The following STC1 variants were observed in gnomAD, a reference collection of about 807,000 sequenced individuals.
STC1 encodes stanniocalcin 1, also known as stanniocalcin-1.
In STC1, 7 loss-of-function variants were observed where a neutral mutation model predicts 22.6. That is an observed-to-expected ratio of 0.31 (90% CI 0.18 to 0.58). The LOEUF (loss-of-function observed/expected upper bound fraction) is 0.58, where lower values mean the gene tolerates loss of function less well. STC1 is among the 20% of genes least tolerant of loss of function. The probability of loss-of-function intolerance (pLI) is 0.89; values close to 1 mark genes in which losing one functional copy is unlikely to be tolerated. For missense variants in STC1, 224 were observed against 311.0 expected (o/e 0.72, Z 2.10); for synonymous variants, 113 against 120.7 (o/e 0.94, Z 0.42).
chr8:23,846,913 A>T (rs1305768618), intron 3 of STC1, among the ~76,000 whole-genome samples: 1 of 152,118 alleles, frequency 6.6e-6, no homozygotes, highest in Non-Finnish European at 1.5e-5. Flanking sequence ...ACATCTACAC[A>T]CCCATATAGA....
intron 3 of STC1, among the ~76,000 whole-genome samples, chr8:23,846,266 G>C (rs1802572135): frequency 6.6e-6 from 1 of 152,052 alleles, no homozygotes; most frequent in South Asian, 2.1e-4. Flanking sequence ...TAATATTTAG[G>C]GCATATCAAT....
Position 23,843,720 on chromosome 8 carries a change from GT to G in STC1, c.*1049del, listed in dbSNP as rs1802540745. The G allele has an allele frequency of 6.6e-6, 1 of 152,626 alleles. No homozygotes were observed. Among genetic ancestry groups the G allele is most frequent in the South Asian group, 2.1e-4 (1 of 4,826 alleles). 9.5% of individuals were successfully genotyped at this position (152,626 alleles called of 1,614,324 possible). A position where few individuals can be genotyped will look rare whatever the true frequency, so the allele number is the denominator to read the frequency against. ...GGTCTAAGTCAAGAGTAGCCTCTGG[GT>G]TGAGGTGGGCTGGGAGATTAACATC... On this transcript the variant is annotated 3_prime_UTR_variant, in exon 4 of 4. Transcript: ENST00000290271.
intron 1 of STC1, chr8:23,854,122 C>T: frequency 3.2e-6 from 4 of 1,249,750 alleles, no homozygotes; most frequent in Non-Finnish European, 4.0e-6. Flanking sequence ...CCTCTCACCC[C>T]TCCCCCTCCA....
At chr8:23,847,109 C>T (rs1226294333) in intron 3 of STC1, among the ~76,000 whole-genome samples, 1 of 152,120 alleles carries the variant, frequency 6.6e-6, no homozygotes, top group African/African-American at 2.4e-5. Flanking sequence ...AGATGAGTCC[C>T]CAGATAGGCT....
At chr8:23,852,961 T>C (rs1382154562) in intron 1 of STC1, among the ~76,000 whole-genome samples, 2 of 152,176 alleles carry the variant, frequency 1.3e-5, no homozygotes, top group Non-Finnish European at 1.5e-5. Flanking sequence ...GATCCGTTCA[T>C]GTTTCACCCC....
At chr8:23,851,616 C>A (rs1802638789) in intron 2 of STC1, 85 bp from the exon 3 acceptor site, 16 of 1,204,662 alleles carry the variant, frequency 1.3e-5, no homozygotes, top group Non-Finnish European at 1.8e-5. Context: ...TTTAAGGGGG[C>A]TCATCTGGGC....
chr8:23,854,482 A>G lies in STC1; in HGVS notation c.42T>C (p.Ser14=), dbSNP rs758633833. Reference sequence around the variant, plus strand: ...GCTCCGCCTCATGGGTTGCAGAAGCACTGATCACCAGCACCAGAAGCACTG... The same window carrying G: ...GCTCCGCCTCATGGGTTGCAGAAGCGCTGATCACCAGCACCAGAAGCACTG... ...NSAVLLVLVI[S]ASATHEAEQN... Residue 14 remains serine, a synonymous_variant, in exon 1 of 4, where the codon AGT becomes AGC. Coordinates refer to ENST00000290271, the MANE Select transcript of STC1 (RefSeq NM_003155.3). 6.8e-6 allele frequency: 11 copies of G among 1,613,682 alleles called. No homozygotes were observed. In the African/African-American group the frequency reaches 1.2e-4, roughly 18 times the overall value.
intron 2 of STC1, among the ~76,000 whole-genome samples, chr8:23,851,987 T>C (rs1387267150): frequency 2.0e-5 from 3 of 152,082 alleles, no homozygotes; most frequent in Admixed American, 2.0e-4. Flanking sequence ...ACTAGCTCCT[T>C]AGAATCATGC....
Position 23,841,966 on chromosome 8 carries a change from G to T in STC1, c.*2804C>A, listed in dbSNP as rs1802516492. 6.6e-6 allele frequency: 1 copy of T among 152,404 alleles called. No homozygotes were observed. The highest frequency in any genetic ancestry group is 6.6e-5 in the Admixed American group (1 of 15,256). 9.4% of individuals were successfully genotyped at this position (152,404 alleles called of 1,614,324 possible). On this transcript the variant is annotated 3_prime_UTR_variant, in exon 4 of 4. Coordinates refer to ENST00000290271, the MANE Select transcript of STC1 (RefSeq NM_003155.3). ...CTTTATTATTATTTTTATCTTAGAAGGAATTCACCAAAGGCTTCATATTAT... is the reference window on the plus strand; with the variant it reads ...CTTTATTATTATTTTTATCTTAGAATGAATTCACCAAAGGCTTCATATTAT...
rs533746106 is a variant in STC1, at chr8:23,843,879, A to C, written c.*891T>G. On this transcript the variant is annotated 3_prime_UTR_variant, in exon 4 of 4. Coordinates refer to ENST00000290271, the MANE Select transcript of STC1 (RefSeq NM_003155.3). ...AAGGCCACAAGGAGCATTTATGTGG[A>C]TATCTGGAAGTGAGATAGTTATTCC... 6.6e-6 allele frequency: 1 copy of C among 152,662 alleles called. No homozygotes were observed. The allele number at this position is 152,662 out of a possible 1,614,324, so 9.5% of individuals were successfully genotyped here.
intron 1 of STC1, 41 bp from the exon 2 acceptor site, chr8:23,852,425 G>A (rs762742146): frequency 6.4e-7 from 1 of 1,551,224 alleles, no homozygotes; most frequent in East Asian, 2.3e-5. Context: ...CAAACAGTGA[G>A]GAATGGCTGG....
At chr8:23,846,061 A>C (rs887769476) in intron 3 of STC1, among the ~76,000 whole-genome samples, 8 of 152,196 alleles carry the variant, frequency 5.3e-5, no homozygotes, top group Non-Finnish European at 1.0e-4. Context: ...TGCAGCCACT[A>C]AGGAAATGGA....
chr8:23,852,863 T>C (rs1802654295), intron 1 of STC1, among the ~76,000 whole-genome samples: 1 of 152,146 alleles, frequency 6.6e-6, no homozygotes, highest in African/African-American at 2.4e-5. Flanking sequence ...TTAGTCTAAA[T>C]GGCAGAGAAG....
At chr8:23,848,188 G>T (rs565958651) in intron 3 of STC1, among the ~76,000 whole-genome samples, 1 of 152,270 alleles carries the variant, frequency 6.6e-6, no homozygotes, top group South Asian at 2.1e-4. Context: ...AAATAGAGCA[G>T]CTCTGCTTAC....
chr8:23,843,561 A>AG lies in STC1; in HGVS notation c.*1208dup, dbSNP rs1802539247. On this transcript the variant is annotated 3_prime_UTR_variant, in exon 4 of 4. Transcript: ENST00000290271. ...TGCCAGAGTACCAGGCACCGATGAAAGGGGACGAGTAAAGAACTGCCACTT... is the reference window on the plus strand; with the variant it reads ...TGCCAGAGTACCAGGCACCGATGAAAGGGGGACGAGTAAAGAACTGCCACTT... 5 of 152,640 alleles carry AG rather than the reference A, an allele frequency of 3.3e-5. No homozygotes were observed. Among genetic ancestry groups the AG allele is most frequent in the African/African-American group, 1.2e-4 (5 of 41,452 alleles). The allele number at this position is 152,640 out of a possible 1,614,324, so 9.5% of individuals were successfully genotyped here.
chr8:23,847,243 C>A (rs1218850333), intron 3 of STC1, among the ~76,000 whole-genome samples: 2 of 151,898 alleles, frequency 1.3e-5, no homozygotes, highest in Non-Finnish European at 2.9e-5. Context: ...CTTCTGCAGC[C>A]AGCTTTGCAG....
chr8:23,851,556 G>C, intron 2 of STC1, 25 bp from the exon 3 acceptor site: 1 of 1,611,350 alleles, frequency 6.2e-7, no homozygotes, highest in Non-Finnish European at 8.5e-7. Context: ...GGACAAGAGG[G>C]AGGTCTTTAG....
rs1330025138 is a variant in STC1, at chr8:23,851,436, C to A, written c.357G>T (p.Arg119Ser). 1.9e-6 allele frequency: 3 copies of A among 1,614,140 alleles called. No homozygotes were observed. Among genetic ancestry groups the A allele is most frequent in the Non-Finnish European group, 2.5e-6 (3 of 1,180,030 alleles). The change falls in exon 3 of 4, where the codon AGG (arginine) becomes AGT (serine). Residue 119 changes from arginine (R) to serine (S), a missense_variant. Arg to Ser is a moderately radical substitution (Grantham distance 110, BLOSUM62 -1). Transcript: ENST00000290271. ...LAIRRCSTFQRMIAEVQEECY... is the reference protein window; with the variant it reads ...LAIRRCSTFQSMIAEVQEECY... Reference sequence around the variant, plus strand: ...ACTCTTCCTGCACCTCAGCAATCATCCTTTGGAAAGTGGAGCACCTCCGAA... The same window carrying A: ...ACTCTTCCTGCACCTCAGCAATCATACTTTGGAAAGTGGAGCACCTCCGAA...
rs1802646567 is a variant in STC1, at chr8:23,852,239, T to C, written c.261+3A>G. On this transcript the variant is annotated splice_donor_region_variant and intron_variant, in intron 2 of 3. Coordinates refer to ENST00000290271, the MANE Select transcript of STC1 (RefSeq NM_003155.3). ...GTGGGAGCAGGGGTCAAGGTTTTAT[T>C]ACCTGAGTGTCAAATTTAGCAGCGC... 6.2e-7 allele frequency: 1 copy of C among 1,614,146 alleles called. No homozygotes were observed. The highest frequency in any genetic ancestry group is 8.5e-7 in the Non-Finnish European group (1 of 1,180,012).
Sources: allele counts gnomAD v4.1 joint callset (sites outside exome capture counted in the v4.1 genomes callset), GRCh38; gene constraint gnomAD v4.1.1; transcripts MANE v1.5; gene names NCBI Gene and HGNC (gene_info 2026-07-23, HGNC 2026-07-21).